The following ETF1 variants were observed in gnomAD, a reference collection of about 807,000 sequenced individuals.
The protein encoded by ETF1 is eukaryotic peptide chain release factor subunit 1.
In ETF1, 4 loss-of-function variants were observed where a neutral mutation model predicts 55.1. That is an observed-to-expected ratio of 0.07 (90% CI 0.04 to 0.17). The LOEUF (loss-of-function observed/expected upper bound fraction) is 0.17, where lower values mean the gene tolerates loss of function less well. ETF1 is among the 10% of genes least tolerant of loss of function. The probability of loss-of-function intolerance (pLI) is 1.00; values close to 1 mark genes in which losing one functional copy is unlikely to be tolerated. For synonymous variants in ETF1, 157 were observed against 182.3 expected, an observed-to-expected ratio of 0.86 and a Z score of 1.12; for missense variants, 142 against 523.6, an observed-to-expected ratio of 0.27 and a Z score of 7.11.
At chr5:138,522,867 G>A (rs1021826481) in intron 2 of ETF1, among the ~76,000 whole-genome samples, 2 of 151,984 alleles carry the variant, frequency 1.3e-5, no homozygotes, top group African/African-American at 2.4e-5. Context: ...TTAGCCGGGC[G>A]CAGTGGCAGG....
At chr5:138,540,736 T>C (rs1343329905) in intron 2 of ETF1, among the ~76,000 whole-genome samples, 1 of 152,176 alleles carries the variant, frequency 6.6e-6, no homozygotes. Flanking sequence ...ACTCAACAAC[T>C]TGAAATACAA....
At chr5:138,512,713 ACCTACTCCTAC>A in intron 6 of ETF1, 40 bp downstream of exon 6, 1 of 1,498,846 alleles carries the variant, frequency 6.7e-7, no homozygotes. Flanking sequence ...CAGAGGACTC[ACCTACTCCTAC>A]CTAGGGTCTT....
At chr5:138,532,284 G>A (rs1765733871) in intron 2 of ETF1, among the ~76,000 whole-genome samples, 1 of 152,108 alleles carries the variant, frequency 6.6e-6, no homozygotes, top group Non-Finnish European at 1.5e-5. Flanking sequence ...TTGATATGGG[G>A]TTAATATGGG....
chr5:138,532,316 A>G (rs1765735255), intron 2 of ETF1, among the ~76,000 whole-genome samples: 1 of 152,216 alleles, frequency 6.6e-6, no homozygotes. Flanking sequence ...AGGAGCCCAG[A>G]TTCAGGCTCA....
At chr5:138,517,395 A>T (rs569798301) in intron 4 of ETF1, among the ~76,000 whole-genome samples, 166 bp downstream of exon 4, 135 of 152,040 alleles carry the variant, frequency 8.9e-4, no homozygotes, top group Middle Eastern at 6.8e-3. Context: ...AAATAAAAAT[A>T]AAAAAATAAA....
At chr5:138,532,610 G>A (rs1043005795) in intron 2 of ETF1, among the ~76,000 whole-genome samples, 2 of 152,220 alleles carry the variant, frequency 1.3e-5, no homozygotes, top group African/African-American at 4.8e-5. Context: ...TGGGGTTGAA[G>A]TCTTATTTGA....
chr5:138,520,693 G>A (rs115156956), intron 2 of ETF1, among the ~76,000 whole-genome samples: 5,563 of 152,212 alleles, frequency 0.037, 307 homozygotes, highest in African/African-American at 0.12. Context: ...CGTGATGCAG[G>A]CCTGTAGCCC....
In ETF1 at chr5:138,543,232, G is replaced by A. The variant is rs1296139918; in HGVS notation, c.-154C>T. 1.8e-5 allele frequency: 8 copies of A among 435,758 alleles called. No individual in the cohort carries two copies. The highest frequency in any genetic ancestry group is 4.1e-5 in the Admixed American group (1 of 24,536). 27.0% of individuals were successfully genotyped at this position (435,758 alleles called of 1,614,324 possible). Reference sequence around the variant, plus strand: ...GTTGCAATCCGCTCACATGGGGCCTGTGACATCACTTCCTCCGCCAGGGGC... The same window carrying A: ...GTTGCAATCCGCTCACATGGGGCCTATGACATCACTTCCTCCGCCAGGGGC... On this transcript the variant is annotated 5_prime_UTR_variant, in exon 1 of 11. Coordinates refer to ENST00000360541, the MANE Select transcript of ETF1 (RefSeq NM_004730.4).
chr5:138,541,215 A>G (rs1766158463), intron 2 of ETF1, among the ~76,000 whole-genome samples: 1 of 152,222 alleles, frequency 6.6e-6, no homozygotes, highest in Non-Finnish European at 1.5e-5. Flanking sequence ...GTGCAACATA[A>G]TGGGTCGTGA....
intron 4 of ETF1, among the ~76,000 whole-genome samples, chr5:138,515,626 A>G (rs550452000): frequency 6.8e-4 from 104 of 152,356 alleles, no homozygotes; most frequent in African/African-American, 2.4e-3. Flanking sequence ...AAATGTACAA[A>G]GTTAGCAAGA....
intron 2 of ETF1, among the ~76,000 whole-genome samples, chr5:138,531,377 TTC>T (rs1480954402): frequency 3.9e-5 from 6 of 152,138 alleles, no homozygotes; most frequent in Non-Finnish European, 8.8e-5. Context: ...ATCTGTGGTA[TTC>T]TGTTATAGCA....
In ETF1 at chr5:138,512,953, A is replaced by G. The variant is rs772225182; in HGVS notation, c.543T>C (p.Gly181=). 6.6e-7 allele frequency: 1 copy of G among 1,508,924 alleles called. No homozygotes were observed. Among genetic ancestry groups the G allele is most frequent in the Non-Finnish European group, 8.8e-7 (1 of 1,136,726 alleles). 93.5% of individuals were successfully genotyped at this position (1,508,924 alleles called of 1,614,324 possible). ...AACGCAAGGCTGACTGACCTCCTCTACCTTTGACACAAAAGTAGCAAGAGA... is the reference window on the plus strand; with the variant it reads ...AACGCAAGGCTGACTGACCTCCTCTGCCTTTGACACAAAAGTAGCAAGAGA... ...KFTVDLPKKH[G]RGGQSALRFA... The change falls in exon 6 of 11, where the codon GGT becomes GGC. Residue 181 remains glycine (G), a splice_region_variant and synonymous_variant. Coordinates refer to ENST00000360541, the MANE Select transcript of ETF1 (RefSeq NM_004730.4).
chr5:138,529,683 A>T (rs1201221134), intron 2 of ETF1: 2 of 984,874 alleles, frequency 2.0e-6, no homozygotes, highest in African/African-American at 3.5e-5. Flanking sequence ...TAACGTCTGA[A>T]AAATCAAACA....
intron 2 of ETF1, chr5:138,541,550 C>A (rs952598408): frequency 6.5e-7 from 1 of 1,535,368 alleles, no homozygotes. Context: ...CAATTAAGCA[C>A]ATCCTGTTTC....
At chr5:138,518,636 A>G in intron 3 of ETF1, 56 bp downstream of exon 3, 4 of 1,450,378 alleles carry the variant, frequency 2.8e-6, no homozygotes, top group Middle Eastern at 2.0e-4. Context: ...GCAGCATCAC[A>G]GTATAAAACA....
rs142214536 is a variant in ETF1 at position 138,526,547 on chromosome 5, T to A, written c.87-7680A>T. Among the ~76,000 whole-genome samples the A allele has an allele frequency of 2.0e-3, 312 of 152,212 alleles. 11 individuals carry two copies. In the East Asian group the frequency reaches 0.046, roughly 23 times the overall value. ...AATGGTTTTCTTCCCGCCTACCCCC[T>A]GCCCCCCAGGATGGAGTCTTGCTCT... On this transcript the variant is annotated intron_variant, in intron 2 of 10. Transcript: ENST00000360541.
chr5:138,524,641 G>T (rs1456801585), intron 2 of ETF1, among the ~76,000 whole-genome samples: 3 of 147,188 alleles, frequency 2.0e-5, no homozygotes, highest in African/African-American at 5.0e-5. Flanking sequence ...GCAGTGGCGC[G>T]ATCTCGGCTC....
At chr5:138,508,458 G>A (rs1764637900) in intron 10 of ETF1, 71 bp from the exon 11 acceptor site, 6 of 1,598,556 alleles carry the variant, frequency 3.8e-6, no homozygotes, top group Middle Eastern at 3.3e-4. Context: ...GGCTGGTAAG[G>A]GAATAAGGGA....
At position 138,511,557 on chromosome 5, in the gene ETF1, A is replaced by G; in HGVS notation, c.780T>C (p.Gly260=). 3.1e-6 allele frequency: 5 copies of G among 1,612,852 alleles called. No individual in the cohort carries two copies. Among genetic ancestry groups the G allele is most frequent in the Non-Finnish European group, 4.2e-6 (5 of 1,179,590 alleles). The change falls in exon 7 of 11, where the codon GGT becomes GGC. Residue 260 remains glycine, a synonymous_variant. Transcript: ENST00000360541. ...VLKLVDISYG[G]ENGFNQAIEL... ...CAATAGCTTGGTTGAATCCATTTTCACCACCATAGGATATATCAACTAATT... is the reference window on the plus strand; with the variant it reads ...CAATAGCTTGGTTGAATCCATTTTCGCCACCATAGGATATATCAACTAATT...
Sources: allele counts gnomAD v4.1 joint callset (sites outside exome capture counted in the v4.1 genomes callset), GRCh38; gene constraint gnomAD v4.1.1; transcripts MANE v1.5; gene names NCBI Gene and HGNC (gene_info 2026-07-23, HGNC 2026-07-21).